The following CLASP1 variants were observed in gnomAD, a reference collection of about 807,000 sequenced individuals.
CLASP1 encodes the protein CLIP-associating protein 1.
In CLASP1, 38 loss-of-function variants were observed where a neutral mutation model predicts 192.3. The observed-to-expected ratio is 0.20, with a 90% confidence interval of 0.15 to 0.26. The LOEUF (loss-of-function observed/expected upper bound fraction) is 0.26. Among genes scored for constraint, CLASP1 ranks in the 10% least tolerant of loss-of-function variants. The probability of loss-of-function intolerance (pLI) is 1.00; values close to 1 mark genes in which losing one functional copy is unlikely to be tolerated. For synonymous variants in CLASP1, 691 were observed against 712.8 expected (o/e 0.97, Z 0.49); for missense variants, 1,433 against 1,932.5 (o/e 0.74, Z 4.85).
At chr2:121,381,549 G>T (rs981706894) in intron 33 of CLASP1, among the ~76,000 whole-genome samples, 4 of 152,160 alleles carry the variant, frequency 2.6e-5, no homozygotes, top group Non-Finnish European at 5.9e-5. Context: ...CCTTCTTCCA[G>T]ACTCATAACA....
chr2:121,521,523 T>C (rs1179318580), intron 6 of CLASP1, among the ~76,000 whole-genome samples: 1 of 152,158 alleles, frequency 6.6e-6, no homozygotes, highest in African/African-American at 2.4e-5. Context: ...TCCTACGTCA[T>C]GCAGAATGAC....
chr2:121,474,073 T>C (rs1442840629), intron 8 of CLASP1, among the ~76,000 whole-genome samples: 1 of 152,234 alleles, frequency 6.6e-6, no homozygotes, highest in Non-Finnish European at 1.5e-5. Flanking sequence ...TTATTTATTC[T>C]CCTGTTTTAA....
intron 6 of CLASP1, among the ~76,000 whole-genome samples, chr2:121,524,096 C>T (rs911925519): frequency 3.3e-5 from 5 of 152,112 alleles, no homozygotes; most frequent in Admixed American, 1.3e-4. Flanking sequence ...AGCCCTCCAC[C>T]GCCCACCCCA....
At chr2:121,439,282 TG>T (rs1375359191) in intron 19 of CLASP1, among the ~76,000 whole-genome samples, 19 of 152,252 alleles carry the variant, frequency 1.2e-4, no homozygotes, top group African/African-American at 4.6e-4. Context: ...AACCAGCTCC[TG>T]GATTCATTAA....
At chr2:121,469,751 C>G in intron 9 of CLASP1, 57 bp downstream of exon 9, 1 of 1,540,400 alleles carries the variant, frequency 6.5e-7, no homozygotes, top group Non-Finnish European at 8.7e-7. Flanking sequence ...ACGTGCACCT[C>G]TGGTTTGAAA....
intron 2 of CLASP1, among the ~76,000 whole-genome samples, chr2:121,583,144 AC>A (rs2061389599): frequency 6.6e-6 from 1 of 152,104 alleles, no homozygotes; most frequent in African/African-American, 2.4e-5. Context: ...ACTATAAGGG[AC>A]CGTTGTTGCT....
At chr2:121,427,490 A>G in intron 20 of CLASP1, 60 bp from the exon 21 acceptor site, 1 of 1,566,356 alleles carries the variant, frequency 6.4e-7, no homozygotes, top group Non-Finnish European at 8.8e-7. Flanking sequence ...CAATAACACA[A>G]TACAGAAGGT....
intron 6 of CLASP1, among the ~76,000 whole-genome samples, chr2:121,517,854 C>T (rs1463166905): frequency 9.7e-6 from 1 of 102,890 alleles, no homozygotes; most frequent in Non-Finnish European, 1.7e-5. Flanking sequence ...AAGCAAGACT[C>T]AAGCTTTTTT....
intron 2 of CLASP1, among the ~76,000 whole-genome samples, chr2:121,588,916 C>T (rs960723273): frequency 2.6e-5 from 4 of 152,260 alleles, no homozygotes; most frequent in East Asian, 1.9e-4. Context: ...CATGTCTCCC[C>T]GGCTACAATG....
chr2:121,501,533 T>C (rs952670899), intron 8 of CLASP1, among the ~76,000 whole-genome samples: 3 of 152,196 alleles, frequency 2.0e-5, no homozygotes, highest in East Asian at 1.9e-4. Context: ...TAAGAAAATA[T>C]AGCGAAAATG....
At chr2:121,497,212 C>T (rs2093569850) in intron 8 of CLASP1, among the ~76,000 whole-genome samples, 1 of 152,104 alleles carries the variant, frequency 6.6e-6, no homozygotes, top group Non-Finnish European at 1.5e-5. Context: ...GAGTTAAACT[C>T]CATATGAATC....
At chr2:121,339,454 T>C (rs2062610249) in exon 40 of CLASP1, 1 of 152,236 alleles carries the variant, frequency 6.6e-6, no homozygotes, top group Admixed American at 6.5e-5. Flanking sequence ...ATTTATAGGA[T>C]CTAATACAAC....
At chr2:121,393,441 T>TGATCTAGATAA (rs2074719717) in intron 30 of CLASP1, among the ~76,000 whole-genome samples, 1 of 152,244 alleles carries the variant, frequency 6.6e-6, no homozygotes, top group African/African-American at 2.4e-5. Flanking sequence ...GTGTGTTAAA[T>TGATCTAGATAA]GATCTAGATA....
intron 35 of CLASP1, among the ~76,000 whole-genome samples, chr2:121,366,285 C>G (rs2067390948): frequency 6.6e-6 from 1 of 152,158 alleles, no homozygotes; most frequent in Non-Finnish European, 1.5e-5. Context: ...CAGGAAGTGC[C>G]AGTCCTTACA....
intron 8 of CLASP1, among the ~76,000 whole-genome samples, chr2:121,479,004 CA>C (rs2092321849): frequency 1.1e-5 from 1 of 89,820 alleles, no homozygotes; most frequent in African/African-American, 5.7e-5. Context: ...ACACACACAC[CA>C]CACACACACA....
At chr2:121,625,888 A>C (rs2068249909) in intron 1 of CLASP1, among the ~76,000 whole-genome samples, 1 of 151,800 alleles carries the variant, frequency 6.6e-6, no homozygotes. Context: ...TCAAGAGATC[A>C]AGACGATGGA....
chr2:121,544,099 G>A (rs1310112596), intron 2 of CLASP1, among the ~76,000 whole-genome samples: 1 of 152,168 alleles, frequency 6.6e-6, no homozygotes, highest in Non-Finnish European at 1.5e-5. Context: ...AGAACACTAA[G>A]TTTATAATGA....
intron 22 of CLASP1, among the ~76,000 whole-genome samples, chr2:121,421,312 A>G (rs184275794): frequency 3.3e-5 from 5 of 152,272 alleles, no homozygotes; most frequent in African/African-American, 1.2e-4. Flanking sequence ...CTGGAGAGCA[A>G]TGGTGTGATC....
intron 2 of CLASP1, chr2:121,602,989 A>G (rs2063967773): frequency 6.6e-6 from 1 of 152,196 alleles, no homozygotes; most frequent in African/African-American, 2.4e-5. Flanking sequence ...GCTTCAGGGC[A>G]ACCAAGAAAC....
Sources: allele counts gnomAD v4.1 joint callset (sites outside exome capture counted in the v4.1 genomes callset), GRCh38; gene constraint gnomAD v4.1.1; transcripts MANE v1.5; gene names NCBI Gene and HGNC (gene_info 2026-07-23, HGNC 2026-07-21).